Variants in DLG1 observed in about 807,000 individuals in gnomAD.
DLG1 encodes the protein disks large homolog 1.
Under a neutral mutation model 123.4 loss-of-function variants are expected in DLG1, and 42 were observed. The observed-to-expected ratio is 0.34, with a 90% CI of 0.27 to 0.44. The LOEUF is 0.44. DLG1 is among the 20% of genes least tolerant of loss of function. The pLI is 1.00. For synonymous variants in DLG1, 317 were observed against 356.2 expected (o/e 0.89, Z 1.24); for missense variants, 942 against 1,082.6 (o/e 0.87, Z 1.82).
At chr3:197,084,103 G>C (rs529366601) in intron 16 of DLG1, among the ~76,000 whole-genome samples, 321 of 152,228 alleles carry the variant, frequency 2.1e-3, no homozygotes, top group African/African-American at 7.5e-3. Context: ...CGTATTACCA[G>C]ATATTTCCAA....
At chr3:197,218,739 C>T (rs990162513) in intron 4 of DLG1, among the ~76,000 whole-genome samples, 1 of 152,132 alleles carries the variant, frequency 6.6e-6, no homozygotes, top group African/African-American at 2.4e-5. Context: ...TGACTAGGTT[C>T]CTAAAGCCAA....
chr3:197,224,607 A>G (rs1425967230), intron 4 of DLG1, among the ~76,000 whole-genome samples: 3 of 152,220 alleles, frequency 2.0e-5, no homozygotes, highest in Non-Finnish European at 4.4e-5. Flanking sequence ...TGTTTCTATC[A>G]GCAGCATACT....
At chr3:197,069,809 G>A (rs2148928417) in intron 18 of DLG1, 1 of 152,302 alleles carries the variant, frequency 6.6e-6, no homozygotes, top group South Asian at 2.1e-4. Flanking sequence ...AGATGTCTCA[G>A]CTGGAAGGGA....
intron 3 of DLG1, among the ~76,000 whole-genome samples, chr3:197,294,164 T>C (rs1776255401): frequency 6.6e-6 from 1 of 152,088 alleles, no homozygotes; most frequent in Non-Finnish European, 1.5e-5. Flanking sequence ...AATTATAGCA[T>C]GGAAACACAC....
intron 11 of DLG1, 139 bp downstream of exon 11, chr3:197,130,388 A>C: frequency 2.8e-6 from 2 of 724,814 alleles, no homozygotes. Context: ...TTAAAAAATG[A>C]GTAGATTAAC....
At chr3:197,206,897 T>G (rs991929299) in intron 4 of DLG1, among the ~76,000 whole-genome samples, 1 of 152,226 alleles carries the variant, frequency 6.6e-6, no homozygotes, top group African/African-American at 2.4e-5. Flanking sequence ...CAGTTAGGTA[T>G]CCAGGTAGAA....
At chr3:197,116,158 CTGA>C (rs1238435215) in intron 12 of DLG1, 75 bp from the exon 13 acceptor site, 1 of 1,174,148 alleles carries the variant, frequency 8.5e-7, no homozygotes, top group Non-Finnish European at 1.2e-6. Context: ...GAACTACCTA[CTGA>C]TAATTTTTAT....
At chr3:197,151,499 T>A (rs764522567) in intron 5 of DLG1, among the ~76,000 whole-genome samples, 1 of 152,178 alleles carries the variant, frequency 6.6e-6, no homozygotes, top group Non-Finnish European at 1.5e-5. Context: ...TATATTTACT[T>A]CAAAATAAAA....
At chr3:197,204,488 A>G (rs2150352471) in intron 4 of DLG1, among the ~76,000 whole-genome samples, 1 of 152,336 alleles carries the variant, frequency 6.6e-6, no homozygotes, top group South Asian at 2.1e-4. Context: ...CAGTGTGTTA[A>G]TAAAATTAGC....
At chr3:197,258,935 T>C (rs1314924381) in intron 4 of DLG1, among the ~76,000 whole-genome samples, 1 of 152,170 alleles carries the variant, frequency 6.6e-6, no homozygotes, top group African/African-American at 2.4e-5. Flanking sequence ...TAAAAATTTA[T>C]AAATACTTTA....
chr3:197,078,408 A>G (rs1748714355), intron 17 of DLG1: 1 of 151,904 alleles, frequency 6.6e-6, no homozygotes, highest in Non-Finnish European at 1.5e-5. Flanking sequence ...AAAGATCTTT[A>G]TAAAAACAAG....
intron 24 of DLG1, among the ~76,000 whole-genome samples, chr3:197,045,471 T>A (rs1722289337): frequency 1.3e-5 from 2 of 152,100 alleles, no homozygotes; most frequent in African/African-American, 4.8e-5. Flanking sequence ...TTGGGCATGG[T>A]GGCTCATGCC....
At chr3:197,170,425 TTTTGA>T (rs1177331162) in intron 5 of DLG1, among the ~76,000 whole-genome samples, 2 of 152,082 alleles carry the variant, frequency 1.3e-5, no homozygotes, top group African/African-American at 2.4e-5. Context: ...GCATCTCTTG[TTTTGA>T]TTTTTTTTAA....
chr3:197,151,981 C>G (rs1794091218), intron 5 of DLG1, among the ~76,000 whole-genome samples: 1 of 152,186 alleles, frequency 6.6e-6, no homozygotes, highest in Admixed American at 6.5e-5. Flanking sequence ...CCCCCAATCT[C>G]TAAGTGAATT....
chr3:197,082,143 G>GGGT (rs1268058906), intron 16 of DLG1, among the ~76,000 whole-genome samples: 4 of 151,984 alleles, frequency 2.6e-5, no homozygotes, highest in African/African-American at 9.7e-5. Flanking sequence ...AGGCCGAGGC[G>GGGT]GGTGGATCAC....
At chr3:197,151,246 A>G (rs1290825952) in intron 5 of DLG1, among the ~76,000 whole-genome samples, 6 of 152,232 alleles carry the variant, frequency 3.9e-5, no homozygotes, top group Admixed American at 3.9e-4. Context: ...TTAAAGTTAC[A>G]AAAGAAATTA....
chr3:197,234,455 AGAATAAAAAT>A (rs1429581382), intron 4 of DLG1, among the ~76,000 whole-genome samples: 1 of 152,230 alleles, frequency 6.6e-6, no homozygotes. Flanking sequence ...ACTTTTGAAA[AGAATAAAAAT>A]GTCTAATCAA....
chr3:197,077,879 AAAG>A lies in DLG1; in HGVS notation c.1906-1197_1906-1195del, dbSNP rs1471796453. 2.0e-5 allele frequency among the ~76,000 whole-genome samples: 3 copies of A among 152,208 alleles called. No homozygotes were observed. In the East Asian group the frequency reaches 5.8e-4, roughly 29 times the overall value. On this transcript the variant is annotated intron_variant, in intron 17 of 24. Coordinates refer to ENST00000667157, the MANE Select transcript of DLG1 (RefSeq NM_001366207.1). The stretch of plus-strand genomic sequence containing the variant: ...TTTTGGAGGGGGAAGGGAAAAATAT[AAAG>A]AATAGATTTTTTTGTTCTGATTTTT...
At chr3:197,137,811 AAAT>A (rs1223564369) in intron 9 of DLG1, among the ~76,000 whole-genome samples, 1 of 151,838 alleles carries the variant, frequency 6.6e-6, no homozygotes, top group Non-Finnish European at 1.5e-5. Flanking sequence ...TCTCTACAAA[AAAT>A]AAAAAAAATC....
Sources: gnomAD v4.1 joint callset for allele counts (sites outside exome capture counted in the v4.1 genomes callset) on GRCh38, gnomAD v4.1.1 for gene constraint, MANE v1.5 for transcripts, NCBI Gene and HGNC (gene_info 2026-07-23, HGNC 2026-07-21) for gene names.